Variants in PLEKHA7 observed in about 807,000 individuals in gnomAD.
PLEKHA7 encodes pleckstrin homology domain-containing family A member 7.
A neutral mutation model predicts 170.0 loss-of-function variants in PLEKHA7; 104 were observed. The observed-to-expected ratio is 0.61, with a 90% CI of 0.52 to 0.72. The LOEUF (loss-of-function observed/expected upper bound fraction) is 0.72, where lower values mean the gene tolerates loss of function less well. Ranked by LOEUF, PLEKHA7 falls within the 30% of genes least tolerant of loss-of-function variation. The pLI is 0.00. For synonymous variants in PLEKHA7, 648 were observed against 660.8 expected (o/e 0.98, Z 0.30); for missense variants, 1,615 against 1,671.7 (o/e 0.97, Z 0.59).
chr11:16,789,593 C>A lies in PLEKHA7; in HGVS notation c.3156+182G>T, dbSNP rs1847689724. The A allele has an allele frequency of 3.1e-6, 2 of 637,666 alleles. No individual in the cohort carries two copies. Among genetic ancestry groups the A allele is most frequent in the African/African-American group, 3.7e-5 (2 of 54,452 alleles). The allele number at this position is 637,666 out of a possible 1,614,324, so 39.5% of individuals were successfully genotyped here. A position where few individuals can be genotyped will look rare whatever the true frequency, so the allele number is the denominator to read the frequency against. ...GCTCCCTCCTGCCACCCTGACAGGC[C>A]AGAGAGAAAGGCAGGATGCCCTCCT... is the stretch of plus-strand genomic sequence containing the variant. On this transcript the variant is annotated intron_variant, in intron 22 of 26. Coordinates refer to ENST00000531066, the MANE Select transcript of PLEKHA7 (RefSeq NM_001329630.2). This position sits in a 1 kb window ranked among gnomAD's most constrained non-coding sequence, Gnocchi z 4.6.
At position 16,826,149 on chromosome 11, in the gene PLEKHA7, C is replaced by G. The variant is rs1208268140; in HGVS notation, c.1314G>C (p.Trp438Cys). 6.2e-7 allele frequency: 1 copy of G among 1,614,234 alleles called. No individual in the cohort carries two copies. The highest frequency in any genetic ancestry group is 8.5e-7 in the Non-Finnish European group (1 of 1,180,034). The change falls in exon 10 of 27, where the codon TGG (tryptophan) becomes TGC (cysteine). Residue 438 changes from tryptophan (W) to cysteine (C), a missense_variant. Transcript: ENST00000531066. ...TGCTATCCCCTTTCTGGGCCCTTGC[C>G]CAGTGCTCCACCTGGGCCAGATTGC... is the stretch of plus-strand genomic sequence containing the variant. ...RKSNLAQVEH[W>C]ARAQKGDSRS... is the part of the protein sequence containing the mutation.
intron 3 of PLEKHA7, among the ~76,000 whole-genome samples, chr11:16,900,990 G>A (rs1196513357): frequency 2.6e-5 from 4 of 151,772 alleles, no homozygotes; most frequent in African/African-American, 7.3e-5. Context: ...GATTATAGGC[G>A]CCCGCCACCA....
At chr11:17,002,035 C>T (rs969407480) in intron 3 of PLEKHA7, among the ~76,000 whole-genome samples, 13 of 152,310 alleles carry the variant, frequency 8.5e-5, no homozygotes, top group Non-Finnish European at 1.3e-4. Context: ...ACATCTGTGG[C>T]GGGAGAGGGT....
intron 3 of PLEKHA7, chr11:16,881,163 C>T (rs1855681279): frequency 6.6e-6 from 1 of 152,250 alleles, no homozygotes; most frequent in African/African-American, 2.4e-5. Context: ...CTCCCTTTCT[C>T]TCAGTCATTA....
chr11:16,797,494 TA>T (rs1288574717), intron 17 of PLEKHA7, among the ~76,000 whole-genome samples: 1 of 152,136 alleles, frequency 6.6e-6, no homozygotes, highest in African/African-American at 2.4e-5. Context: ...ACCAGTCATG[TA>T]AAAATTCCCT....
chr11:16,842,360 C>T (rs56156123), intron 8 of PLEKHA7: 26,807 of 153,912 alleles, frequency 0.17, 2,856 homozygotes, highest in Non-Finnish European at 0.25. Flanking sequence ...CTCACTGCTC[C>T]ATGTGCATCC....
intron 3 of PLEKHA7, among the ~76,000 whole-genome samples, chr11:16,891,396 G>A (rs992092144): frequency 1.1e-4 from 17 of 152,180 alleles, no homozygotes; most frequent in African/African-American, 4.1e-4. Context: ...ATTGCTGGCA[G>A]CCATCAGAAG....
In PLEKHA7 at chr11:16,854,985, C is replaced by T; in HGVS notation, c.426G>A (p.Lys142=). The T allele has an allele frequency of 6.2e-7, 1 of 1,613,822 alleles. No individual in the cohort carries two copies. Among genetic ancestry groups the T allele is most frequent in the East Asian group, 2.2e-5 (1 of 44,876 alleles). Reference sequence around the variant, plus strand: ...CAAAGCTGTGGACTTTACTGCTGGACTTTATGATCTATGAAAAAGCAGACT... The same window carrying T: ...CAAAGCTGTGGACTTTACTGCTGGATTTTATGATCTATGAAAAAGCAGACT... The part of the protein sequence containing the change: ...LEAKPGPKII[K]SSSKVHSFGK... The change falls in exon 6 of 27, where the codon AAG becomes AAA. Residue 142 remains lysine (K), a synonymous_variant. Coordinates refer to ENST00000531066, the MANE Select transcript of PLEKHA7 (RefSeq NM_001329630.2).
intron 17 of PLEKHA7, among the ~76,000 whole-genome samples, chr11:16,799,238 C>G (rs1253910392): frequency 6.6e-6 from 1 of 152,120 alleles, no homozygotes; most frequent in Non-Finnish European, 1.5e-5. Context: ...AGTGAGTTGC[C>G]AAATAATGTG....
At chr11:16,794,378 C>T in intron 19 of PLEKHA7, 110 bp downstream of exon 19, 1 of 1,067,532 alleles carries the variant, frequency 9.4e-7, no homozygotes, top group Non-Finnish European at 1.4e-6. Context: ...CTTTAGGACG[C>T]TGGCTGGGTC....
intron 12 of PLEKHA7, 52 bp from the exon 13 acceptor site, chr11:16,813,218 C>T (rs1169050941): frequency 3.3e-6 from 5 of 1,512,596 alleles, no homozygotes; most frequent in Non-Finnish European, 4.6e-6. Context: ...CAAGAGTTTC[C>T]ATAACTCGAG....
rs1865547229 is a variant in PLEKHA7, at chr11:17,014,367, G to A, written c.35C>T (p.Pro12Leu). ...GCACACCCCGTAGGACCAATGCTCAGGTAAAGTGTCCCGCCCGACCGTCGC... is the reference window on the plus strand; with the variant it reads ...GCACACCCCGTAGGACCAATGCTCAAGTAAAGTGTCCCGCCCGACCGTCGC... ...AAATVGRDTL[P>L]EHWSYGVCRD... Residue 12 changes from proline (P) to leucine (L), a missense_variant, in exon 1 of 27, where the codon CCT becomes CTT. Physicochemically the swap from Pro to Leu is moderately conservative, Grantham distance 98. Coordinates refer to ENST00000531066, the MANE Select transcript of PLEKHA7 (RefSeq NM_001329630.2). 2 of 1,423,500 alleles carry A rather than the reference G, an allele frequency of 1.4e-6. No homozygotes were observed. The highest frequency in any genetic ancestry group is 1.9e-6 in the Non-Finnish European group (2 of 1,080,908). The allele number at this position is 1,423,500 out of a possible 1,614,324, so 88.2% of individuals were successfully genotyped here.
chr11:16,791,175 G>A lies in PLEKHA7; in HGVS notation c.2770C>T (p.Pro924Ser), dbSNP rs1396822404. 1 of 1,605,486 alleles carries A rather than the reference G, an allele frequency of 6.2e-7. No homozygotes were observed. Among genetic ancestry groups the A allele is most frequent in the South Asian group, 1.1e-5 (1 of 90,468 alleles). ...TCTGGGCTGTAGAGTTCGGGGAGTG[G>A]GGGCCTGGGAGGTGCTTCATCTTCC... ...KVEDEAPPRP[P>S]LPELYSPEDQ... The change falls in exon 20 of 27, where the codon CCA becomes TCA. Residue 924 changes from proline (P) to serine (S), a missense_variant. Pro to Ser is a moderately conservative substitution (Grantham distance 74, BLOSUM62 -1). Coordinates refer to ENST00000531066, the MANE Select transcript of PLEKHA7 (RefSeq NM_001329630.2). The surrounding 1 kb of genome is among the most constrained non-coding windows in gnomAD (Gnocchi z 4.5).
At chr11:17,009,729 G>A (rs10766372) in intron 3 of PLEKHA7, among the ~76,000 whole-genome samples, 96,322 of 151,664 alleles carry the variant, frequency 0.64, 31,219 homozygotes, top group East Asian at 0.96. Flanking sequence ...TCAGACTCCT[G>A]GGCTCAAGCA....
intron 13 of PLEKHA7, among the ~76,000 whole-genome samples, chr11:16,805,367 CT>C (rs1284420276): frequency 1.3e-5 from 2 of 152,144 alleles, no homozygotes; most frequent in East Asian, 3.8e-4. Context: ...TGATGGAAAG[CT>C]TTCTAAAAGT....
intron 3 of PLEKHA7, among the ~76,000 whole-genome samples, chr11:16,987,678 T>G (rs1863817734): frequency 2.6e-5 from 4 of 152,162 alleles, no homozygotes; most frequent in Admixed American, 1.3e-4. Context: ...TGCTGTAACC[T>G]TTGCCTGCTC....
intron 26 of PLEKHA7, among the ~76,000 whole-genome samples, chr11:16,781,368 C>T (rs1213857760): frequency 6.6e-6 from 1 of 152,184 alleles, no homozygotes; most frequent in East Asian, 1.9e-4. Context: ...GAGCGCTCAT[C>T]TGCTGGCAAT....
intron 4 of PLEKHA7, among the ~76,000 whole-genome samples, chr11:16,865,388 A>G (rs1854302341): frequency 6.6e-6 from 1 of 152,196 alleles, no homozygotes; most frequent in South Asian, 2.1e-4. Context: ...CAGGGGGTGT[A>G]ACAAAAAACT....
chr11:16,822,613 C>T (rs1250231280), intron 10 of PLEKHA7, among the ~76,000 whole-genome samples: 3 of 152,026 alleles, frequency 2.0e-5, no homozygotes, highest in African/African-American at 7.3e-5. Flanking sequence ...AAACTCTCCC[C>T]AACAAAACCT....
Sources: gnomAD v4.1 joint callset for allele counts (sites outside exome capture counted in the v4.1 genomes callset) on GRCh38, gnomAD v4.1.1 for gene constraint, Gnocchi (gnomAD v3.1) non-coding constraint, MANE v1.5 for transcripts, NCBI Gene and HGNC (gene_info 2026-07-23, HGNC 2026-07-21) for gene names.